SMCHD1: variants seen among roughly 807,000 people sequenced by gnomAD.
SMCHD1 encodes structural maintenance of chromosomes flexible hinge domain containing 1.
A neutral mutation model predicts 254.7 loss-of-function variants in SMCHD1; 78 were observed. That is an observed-to-expected ratio of 0.31 (90% CI 0.26 to 0.37). The LOEUF (loss-of-function observed/expected upper bound fraction) is 0.37. Ranked by LOEUF, SMCHD1 falls within the 10% of genes least tolerant of loss-of-function variation. SMCHD1 has a pLI of 1.00. For missense variants in SMCHD1, 1,840 were observed against 2,408.1 expected, an observed-to-expected ratio of 0.76 and a Z score of 4.94; for synonymous variants, 766 against 794.9, an observed-to-expected ratio of 0.96 and a Z score of 0.61.
intron 1 of SMCHD1, among the ~76,000 whole-genome samples, chr18:2,658,916 A>G (rs2086921479): frequency 7.4e-6 from 1 of 135,910 alleles, no homozygotes; most frequent in Non-Finnish European, 1.5e-5. Flanking sequence ...ACGCATATAT[A>G]CATATATACA....
chr18:2,695,434 C>G (rs978195688), intron 8 of SMCHD1, among the ~76,000 whole-genome samples: 1 of 151,882 alleles, frequency 6.6e-6, no homozygotes, highest in Non-Finnish European at 1.5e-5. Context: ...CTCAGCCTCC[C>G]GAGTAGCTGG....
chr18:2,694,174 C>T (rs2074240905), intron 7 of SMCHD1, among the ~76,000 whole-genome samples: 1 of 152,126 alleles, frequency 6.6e-6, no homozygotes, highest in African/African-American at 2.4e-5. Flanking sequence ...TGGTAGGTCT[C>T]CCAAGCAAGC....
At chr18:2,689,722 A>G (rs991778197) in intron 7 of SMCHD1, among the ~76,000 whole-genome samples, 5 of 151,750 alleles carry the variant, frequency 3.3e-5, no homozygotes, top group Admixed American at 3.3e-4. Context: ...TATTTATTTT[A>G]AAGTGATTTT....
chr18:2,735,838 A>G (rs953784669), intron 25 of SMCHD1, among the ~76,000 whole-genome samples: 4 of 152,216 alleles, frequency 2.6e-5, no homozygotes, highest in African/African-American at 9.6e-5. Flanking sequence ...TGCCCAAAGC[A>G]ATCTACAGAT....
At chr18:2,756,830 A>C (rs2075690046) in intron 34 of SMCHD1, among the ~76,000 whole-genome samples, 1 of 152,146 alleles carries the variant, frequency 6.6e-6, no homozygotes, top group Non-Finnish European at 1.5e-5. Context: ...ATTTTATCTA[A>C]ATTTTCAAAT....
At chr18:2,793,242 T>C (rs16943788) in intron 45 of SMCHD1, among the ~76,000 whole-genome samples, 6,987 of 152,298 alleles carry the variant, frequency 0.046, 492 homozygotes, top group African/African-American at 0.16. Flanking sequence ...CTTTCAGATA[T>C]ACTTTCCATC....
At chr18:2,741,584 C>T (rs940324518) in intron 28 of SMCHD1, among the ~76,000 whole-genome samples, 4 of 152,124 alleles carry the variant, frequency 2.6e-5, no homozygotes, top group Non-Finnish European at 4.4e-5. Context: ...TTTCTAATGT[C>T]GAGCATCATT....
chr18:2,782,329 A>G (rs2076169079), intron 44 of SMCHD1, among the ~76,000 whole-genome samples: 1 of 152,176 alleles, frequency 6.6e-6, no homozygotes. Flanking sequence ...TGAAAGTAGT[A>G]TTTCCAGAAT....
At chr18:2,749,203 G>T (rs2075525396) in intron 30 of SMCHD1, among the ~76,000 whole-genome samples, 1 of 152,154 alleles carries the variant, frequency 6.6e-6, no homozygotes, top group Non-Finnish European at 1.5e-5. Flanking sequence ...ATAAACATAG[G>T]ATTTCATCCT....
chr18:2,662,208 G>A (rs371124040), intron 1 of SMCHD1, among the ~76,000 whole-genome samples: 2,265 of 40,494 alleles, frequency 0.056, 151 homozygotes, highest in African/African-American at 0.26. Context: ...AATAAAGAAA[G>A]AAAGAAAGAA....
intron 19 of SMCHD1, among the ~76,000 whole-genome samples, chr18:2,720,195 T>C (rs1210730767): frequency 6.6e-6 from 1 of 152,212 alleles, no homozygotes; most frequent in East Asian, 1.9e-4. Context: ...ATTTTTGTTT[T>C]TCCTACTTTC....
intron 17 of SMCHD1, among the ~76,000 whole-genome samples, chr18:2,714,359 T>C (rs2074749696): frequency 6.6e-6 from 1 of 152,338 alleles, no homozygotes; most frequent in Non-Finnish European, 1.5e-5. Flanking sequence ...CAGTCTATAA[T>C]TGTCTTTATG....
At chr18:2,780,238 T>TA (rs56804553) in intron 44 of SMCHD1, among the ~76,000 whole-genome samples, 12 of 69,350 alleles carry the variant, frequency 1.7e-4, no homozygotes, top group African/African-American at 7.8e-4. Flanking sequence ...AGACTCTATC[T>TA]AAAAAAAAAA....
intron 24 of SMCHD1, among the ~76,000 whole-genome samples, chr18:2,732,003 T>C (rs1568259725): frequency 6.6e-6 from 1 of 152,058 alleles, no homozygotes; most frequent in Non-Finnish European, 1.5e-5. Context: ...AAAGTGAGAC[T>C]CTGTCTCAAA....
intron 45 of SMCHD1, among the ~76,000 whole-genome samples, chr18:2,787,695 G>A (rs2076261345): frequency 6.6e-6 from 1 of 152,146 alleles, no homozygotes; most frequent in Non-Finnish European, 1.5e-5. Context: ...TTTAATAGTT[G>A]CTTAGCTTTC....
chr18:2,709,107 C>T (rs552944430), intron 17 of SMCHD1, among the ~76,000 whole-genome samples: 1 of 149,646 alleles, frequency 6.7e-6, no homozygotes, highest in African/African-American at 2.4e-5. Flanking sequence ...TTAGGTACCT[C>T]ATAAAAATGG....
At position 2,666,899 on chromosome 18, in the gene SMCHD1, T is replaced by A. The variant is rs2073456602; in HGVS notation, c.292T>A (p.Tyr98Asn). ...DETVKDGVTLYLLQSVNQLLL... is the reference protein window; with the variant it reads ...DETVKDGVTLNLLQSVNQLLL... ...AACTGTTAAAGATGGAGTCACCTTA[T>A]ACCTGCTACAGTCGGTCAATCAGTT... Residue 98 changes from tyrosine (Y) to asparagine (N), a missense_variant, in exon 3 of 48, where the codon TAC becomes AAC. Tyr to Asn is a moderately radical substitution (Grantham distance 143). This residue lies in a region of SMCHD1 where 37 missense variants were observed against 54.2 expected (regional missense o/e 0.68). Coordinates refer to ENST00000320876, the MANE Select transcript of SMCHD1 (RefSeq NM_015295.3). 1 of 1,613,380 alleles carries A rather than the reference T, an allele frequency of 6.2e-7. No homozygotes were observed. Among genetic ancestry groups the A allele is most frequent in the Non-Finnish European group, 8.5e-7 (1 of 1,179,612 alleles).
At chr18:2,673,966 A>T in intron 4 of SMCHD1, 49 bp from the exon 5 acceptor site, 1 of 1,512,062 alleles carries the variant, frequency 6.6e-7, no homozygotes. Context: ...TCATGTTTTA[A>T]GTATTGATTT....
chr18:2,794,537 T>C (rs1182714038), intron 45 of SMCHD1, among the ~76,000 whole-genome samples: 1 of 152,144 alleles, frequency 6.6e-6, no homozygotes, highest in African/African-American at 2.4e-5. Context: ...GAATAAACCA[T>C]TCTTGGCCAA....
Sources: allele counts gnomAD v4.1 joint callset (sites outside exome capture counted in the v4.1 genomes callset), GRCh38; gene constraint gnomAD v4.1.1; regional missense constraint gnomAD v4.1.1; transcripts MANE v1.5; gene names NCBI Gene and HGNC (gene_info 2026-07-23, HGNC 2026-07-21).